The following XXYLT1 variants were observed in gnomAD, a reference collection of about 807,000 sequenced individuals.
The protein encoded by XXYLT1 is xyloside xylosyltransferase 1, also known as UDP-xylose:alpha-xyloside alpha-1,3-xylosyltransferase.
In XXYLT1, 20 loss-of-function variants were observed where a neutral mutation model predicts 28.9. That is an observed-to-expected ratio of 0.69 (90% confidence interval 0.49 to 1.00). XXYLT1 has a LOEUF of 1.00. Ranked by LOEUF, XXYLT1 falls within the 50% of genes least tolerant of loss-of-function variation. XXYLT1 has a pLI of 0.00. For synonymous variants in XXYLT1, 257 were observed against 253.8 expected, an observed-to-expected ratio of 1.01 and a Z score of -0.12; for missense variants, 542 against 560.1, an observed-to-expected ratio of 0.97 and a Z score of 0.33.
intron 3 of XXYLT1, among the ~76,000 whole-genome samples, chr3:195,143,630 C>T (rs76083107): frequency 0.033 from 5,054 of 151,248 alleles, 158 homozygotes; most frequent in East Asian, 0.15. Flanking sequence ...AAAAACGTGT[C>T]TTACTTCCTG....
At chr3:195,083,591 A>C (rs1437811605) in intron 3 of XXYLT1, among the ~76,000 whole-genome samples, 1 of 152,178 alleles carries the variant, frequency 6.6e-6, no homozygotes, top group African/African-American at 2.4e-5. Flanking sequence ...GCCCAGAAAA[A>C]TGACGAGGAG....
Position 195,143,879 on chromosome 3 carries a change from T to G in XXYLT1, c.785+12570A>C, listed in dbSNP as rs542893091. ...AGATATATATAGATATAGATATATA[T>G]ATATATATATTTATTTTTTATTTTT... On this transcript the variant is annotated intron_variant, in intron 3 of 3. Coordinates refer to ENST00000310380, the MANE Select transcript of XXYLT1 (RefSeq NM_152531.5). Among the ~76,000 whole-genome samples, 46 of 128,778 alleles carry G rather than the reference T, an allele frequency of 3.6e-4. 4 individuals are homozygous for G. Among genetic ancestry groups the G allele is most frequent in the African/African-American group, 1.1e-3 (36 of 34,056 alleles). The allele number at this position is 128,778 out of a possible 152,430, so 84.5% of individuals were successfully genotyped here. A position where few individuals can be genotyped will look rare whatever the true frequency, so the allele number is the denominator to read the frequency against.
intron 3 of XXYLT1, among the ~76,000 whole-genome samples, chr3:195,120,284 G>GCA (rs1553805984): frequency 9.0e-6 from 1 of 111,646 alleles, no homozygotes; most frequent in African/African-American, 3.7e-5. Context: ...CTGCTCAGAT[G>GCA]CCCCCCCCGC....
intron 3 of XXYLT1, among the ~76,000 whole-genome samples, chr3:195,126,302 G>A (rs995215544): frequency 2.0e-5 from 3 of 152,208 alleles, no homozygotes; most frequent in Admixed American, 1.3e-4. Context: ...ATTCGTTACC[G>A]CACCTGACCC....
intron 3 of XXYLT1, among the ~76,000 whole-genome samples, chr3:195,081,219 A>T (rs1715414465): frequency 1.4e-5 from 1 of 73,676 alleles, no homozygotes; most frequent in East Asian, 1.6e-3. Context: ...GAATCACACT[A>T]AAAAAAAAAA....
At chr3:195,267,193 A>C (rs1209537574) in intron 1 of XXYLT1, among the ~76,000 whole-genome samples, 1 of 152,248 alleles carries the variant, frequency 6.6e-6, no homozygotes, top group African/African-American at 2.4e-5. Context: ...GCCCCGTGCC[A>C]GTTCACTGTG....
rs1265016651 is a variant in XXYLT1, at chr3:195,270,853, G to C, written c.206C>G (p.Pro69Arg). 14 of 1,411,694 alleles carry C rather than the reference G, an allele frequency of 9.9e-6. No homozygotes were observed. The highest frequency in any genetic ancestry group is 1.5e-5 in the African/African-American group (1 of 66,006). The allele number at this position is 1,411,694 out of a possible 1,614,324, so 87.4% of individuals were successfully genotyped here. ...GGAGCCCCGCGCTAGCTCCAGCGCG[G>C]GCGGCGAGGGCGCGGCGGGAGCCCC... The part of the protein sequence containing the change: ...RAGAPAAPSP[P>R]ALELARGSVA... Residue 69 changes from proline (P) to arginine (R), a missense_variant, in exon 1 of 4, where the codon CCC (proline) becomes CGC (arginine). By Grantham distance (103) the Pro-to-Arg change is moderately radical. Transcript: ENST00000310380.
intron 1 of XXYLT1, among the ~76,000 whole-genome samples, chr3:195,228,898 T>C (rs1486458176): frequency 6.6e-6 from 1 of 151,596 alleles, no homozygotes; most frequent in Admixed American, 6.6e-5. Context: ...CTGTAACCTC[T>C]GCTTCCCAGG....
chr3:195,090,214 C>G (rs1262633616), intron 3 of XXYLT1, among the ~76,000 whole-genome samples: 2 of 151,006 alleles, frequency 1.3e-5, no homozygotes, highest in Admixed American at 1.3e-4. Context: ...CCCAAATCAA[C>G]AGAATATACA....
chr3:195,111,376 C>T (rs375741432), intron 3 of XXYLT1, among the ~76,000 whole-genome samples: 45 of 152,140 alleles, frequency 3.0e-4, no homozygotes, highest in African/African-American at 1.1e-3. Flanking sequence ...AGGGCTTCAG[C>T]GTATGAATTT....
In XXYLT1 at chr3:195,069,573, C is replaced by T. The variant is rs967241385; in HGVS notation, c.*142G>A. Reference sequence around the variant, plus strand: ...GGTGGCCTCAGCACAGTGACCTGCCCGGCAGGAGGTCTCAGCACCTTAATC... The same window carrying T: ...GGTGGCCTCAGCACAGTGACCTGCCTGGCAGGAGGTCTCAGCACCTTAATC... On this transcript the variant is annotated 3_prime_UTR_variant, in exon 4 of 4. Coordinates refer to ENST00000310380, the MANE Select transcript of XXYLT1 (RefSeq NM_152531.5). The T allele has an allele frequency of 1.1e-5, 14 of 1,274,782 alleles. No homozygotes were observed. Among genetic ancestry groups the T allele is most frequent in the East Asian group, 4.7e-5 (2 of 42,568 alleles). 79.0% of individuals were successfully genotyped at this position (1,274,782 alleles called of 1,614,324 possible).
At chr3:195,097,967 A>G (rs902716881) in intron 3 of XXYLT1, among the ~76,000 whole-genome samples, 2 of 151,104 alleles carry the variant, frequency 1.3e-5, no homozygotes, top group Admixed American at 6.6e-5. Context: ...AAGGACCCAC[A>G]GAGTCCCACA....
chr3:195,143,423 A>C (rs963278186), intron 3 of XXYLT1, among the ~76,000 whole-genome samples: 3 of 152,158 alleles, frequency 2.0e-5, no homozygotes, highest in Non-Finnish European at 4.4e-5. Context: ...TTGAAATCAG[A>C]AGCTTTTACG....
chr3:195,070,218 C>G (rs528797779), intron 3 of XXYLT1, 107 bp from the exon 4 acceptor site: 1 of 1,402,058 alleles, frequency 7.1e-7, no homozygotes, highest in Non-Finnish European at 9.5e-7. Flanking sequence ...TGCCACATTC[C>G]GGGGTGCAGA....
At chr3:195,148,309 G>A (rs1047060415) in intron 3 of XXYLT1, among the ~76,000 whole-genome samples, 2 of 152,140 alleles carry the variant, frequency 1.3e-5, no homozygotes, top group African/African-American at 2.4e-5. Flanking sequence ...CAGGTCACAC[G>A]GGCTACACAA....
chr3:195,167,888 T>A (rs972326394), intron 2 of XXYLT1, among the ~76,000 whole-genome samples: 4 of 152,170 alleles, frequency 2.6e-5, no homozygotes, highest in Middle Eastern at 3.2e-3. Context: ...ATCCAAGTAC[T>A]TGAGGCAGCA....
chr3:195,228,675 A>G (rs1403940200), intron 1 of XXYLT1, among the ~76,000 whole-genome samples: 3 of 149,256 alleles, frequency 2.0e-5, no homozygotes, highest in Non-Finnish European at 2.9e-5. Flanking sequence ...TTTTTAGTAG[A>G]GATGGGGTTT....
intron 2 of XXYLT1, among the ~76,000 whole-genome samples, chr3:195,169,674 G>A (rs898558531): frequency 2.6e-5 from 4 of 151,994 alleles, no homozygotes; most frequent in African/African-American, 4.8e-5. Flanking sequence ...GTAAAGGAGC[G>A]ACTGTATTTT....
intron 3 of XXYLT1, among the ~76,000 whole-genome samples, chr3:195,127,390 C>T (rs1025292575): frequency 3.9e-5 from 6 of 152,166 alleles, no homozygotes; most frequent in Non-Finnish European, 5.9e-5. Context: ...TTTTAATTCA[C>T]GTATTTGTAT....
Sources: allele counts gnomAD v4.1 joint callset (sites outside exome capture counted in the v4.1 genomes callset), GRCh38; gene constraint gnomAD v4.1.1; transcripts MANE v1.5; gene names NCBI Gene and HGNC (gene_info 2026-07-23, HGNC 2026-07-21).